Variants in PRDM15 observed in about 807,000 individuals in gnomAD.
PRDM15 encodes PR/SET domain 15.
Under a neutral mutation model 128.6 loss-of-function variants are expected in PRDM15, and 64 were observed. The ratio of observed to expected loss-of-function variants is 0.50; its 90% CI spans 0.41 to 0.61. The LOEUF (loss-of-function observed/expected upper bound fraction) is 0.61. Ranked by LOEUF, PRDM15 falls within the 20% of genes least tolerant of loss-of-function variation. The pLI is 0.00. For missense variants in PRDM15, 1,242 were observed against 1,569.1 expected (o/e 0.79, Z 3.52); for synonymous variants, 615 against 621.8 (o/e 0.99, Z 0.16).
chr21:41,871,715 T>G, intron 1 of PRDM15: 2 of 1,376,372 alleles, frequency 1.5e-6, no homozygotes, highest in Non-Finnish European at 2.0e-6. Context: ...ACAGTGGTCC[T>G]CTGTTGTTAC....
At chr21:41,869,848 T>G (rs1390814028) in intron 1 of PRDM15, among the ~76,000 whole-genome samples, 1 of 152,264 alleles carries the variant, frequency 6.6e-6, no homozygotes, top group East Asian at 1.9e-4. Flanking sequence ...CCTTTTTGTC[T>G]ACAACGCCCC....
chr21:41,861,928 C>A, intron 1 of PRDM15: 2 of 1,613,604 alleles, frequency 1.2e-6, no homozygotes, highest in Non-Finnish European at 1.7e-6. Flanking sequence ...AACACACATT[C>A]ACGTTCAAAG....
At position 41,800,985 on chromosome 21, in the gene PRDM15, A is replaced by G. The variant is rs1247199391; in HGVS notation, c.*255T>C. 2.3e-6 allele frequency: 1 copy of G among 428,006 alleles called. No individual in the cohort carries two copies. Among genetic ancestry groups the G allele is most frequent in the African/African-American group, 2.0e-5 (1 of 49,488 alleles). 26.5% of individuals were successfully genotyped at this position (428,006 alleles called of 1,614,324 possible). ...GGGGAGGCAGATGCGGCCCCGGCCC[A>G]GGACTTACTGCCTTGGTAAGGCATG... On this transcript the variant is annotated 3_prime_UTR_variant, in exon 24 of 24. Coordinates refer to ENST00000398548, the MANE Select transcript of PRDM15 (RefSeq NM_001040424.3).
At position 41,836,508 on chromosome 21, in the gene PRDM15, G is replaced by T; in HGVS notation, c.1143C>A (p.Phe381Leu). ...GCCTGCTCAGGTTGCTGCTGTTCTG[G>T]AAGATCTTGCTGCAGATATTGCACT... ...VYQCNICSKIFQNSSNLSRHV... is the reference protein window; with the variant it reads ...VYQCNICSKILQNSSNLSRHV... The change falls in exon 9 of 24, where the codon TTC becomes TTA. Residue 381 changes from phenylalanine to leucine, a missense_variant. Physicochemically the swap from Phe to Leu is conservative, Grantham distance 22 (BLOSUM62 0). This residue lies in a region of PRDM15 where 612 missense variants were observed against 717.0 expected (regional missense o/e 0.85). Coordinates refer to ENST00000398548, the MANE Select transcript of PRDM15 (RefSeq NM_001040424.3). The T allele has an allele frequency of 6.2e-7, 1 of 1,612,262 alleles. No homozygotes were observed. The highest frequency in any genetic ancestry group is 2.2e-5 in the East Asian group (1 of 44,776).
At chr21:41,848,609 C>A (rs972676463) in intron 5 of PRDM15, among the ~76,000 whole-genome samples, 1 of 152,168 alleles carries the variant, frequency 6.6e-6, no homozygotes. Flanking sequence ...GAAAAACACT[C>A]GCATGTGAGT....
intron 21 of PRDM15, among the ~76,000 whole-genome samples, chr21:41,804,929 G>A (rs575645187): frequency 3.3e-5 from 5 of 152,338 alleles, no homozygotes; most frequent in East Asian, 1.9e-4. Context: ...TTTCAGTGGC[G>A]CTTCTGTTAT....
chr21:41,816,834 C>A (rs1265478593), intron 18 of PRDM15, among the ~76,000 whole-genome samples: 2 of 151,736 alleles, frequency 1.3e-5, no homozygotes, highest in Non-Finnish European at 2.9e-5. Context: ...CACCTGCAGG[C>A]CTATTACCAA....
rs765308552 is a variant in PRDM15, at chr21:41,854,838, T to C, written c.286-20A>G. The stretch of plus-strand genomic sequence containing the variant: ...GAACACCTGAAGGTGAGTCGGCCCA[T>C]GGAGAAGCCGGGGAAATGGCTGATT... On this transcript the variant is annotated intron_variant, in intron 4 of 23. Transcript: ENST00000398548. This position sits in a 1 kb window ranked among gnomAD's most constrained non-coding sequence, Gnocchi z 4.6. 3 of 1,586,798 alleles carry C rather than the reference T, an allele frequency of 1.9e-6. No individual in the cohort carries two copies. Among genetic ancestry groups the C allele is most frequent in the East Asian group, 2.3e-5 (1 of 44,378 alleles).
intron 21 of PRDM15, among the ~76,000 whole-genome samples, chr21:41,807,010 A>G (rs1391093548): frequency 2.0e-5 from 3 of 150,846 alleles, no homozygotes; most frequent in Non-Finnish European, 4.4e-5. Context: ...TACCACCACC[A>G]TCACCAACAC....
chr21:41,871,679 C>A, intron 1 of PRDM15: 1 of 1,541,162 alleles, frequency 6.5e-7, no homozygotes, highest in Non-Finnish European at 8.8e-7. Flanking sequence ...TCCCTCTCCA[C>A]GTGTCTTGAA....
At position 41,832,952 on chromosome 21, in the gene PRDM15, C is replaced by CA. The variant is rs2062746813; in HGVS notation, c.1366+2484dup. On this transcript the variant is annotated intron_variant, in intron 11 of 23. Transcript: ENST00000398548. The surrounding 1 kb of genome is among the most constrained non-coding windows in gnomAD (Gnocchi z 4.2). The stretch of plus-strand genomic sequence containing the variant: ...CACTCACTGCCAGTTCAGGAACCCA[C>CA]AGGGGCACTGGGTCCCAACAATGCT... Among the ~76,000 whole-genome samples, 1 of 152,210 alleles carries CA rather than the reference C, an allele frequency of 6.6e-6. No individual in the cohort carries two copies. Among genetic ancestry groups the CA allele is most frequent in the South Asian group, 2.1e-4 (1 of 4,830 alleles).
intron 21 of PRDM15, among the ~76,000 whole-genome samples, chr21:41,809,478 G>A (rs892773664): frequency 6.6e-5 from 10 of 152,016 alleles, no homozygotes; most frequent in Non-Finnish European, 8.8e-5. Context: ...TGATCCACTC[G>A]CCTCTGCCTC....
At chr21:41,836,728 C>T in intron 8 of PRDM15, 79 bp from the exon 9 acceptor site, 1 of 1,235,226 alleles carries the variant, frequency 8.1e-7, no homozygotes, top group Non-Finnish European at 1.1e-6. Flanking sequence ...AAAACGGCCT[C>T]CTTCCAAAAC....
rs542245928 is a variant in PRDM15 at position 41,834,781 on chromosome 21, T to C, written c.1366+656A>G. 7.2e-5 allele frequency among the ~76,000 whole-genome samples: 11 copies of C among 152,302 alleles called. 1 individual carries two copies. In the South Asian group the frequency reaches 2.3e-3, roughly 32 times the overall value. On this transcript the variant is annotated intron_variant, in intron 11 of 23. Coordinates refer to ENST00000398548, the MANE Select transcript of PRDM15 (RefSeq NM_001040424.3). ...CAGGACGGCCTTGGCTTTCCTTTGG[T>C]CTGTTTACTTGCCAGCAGCAAATTC...
intron 11 of PRDM15, among the ~76,000 whole-genome samples, chr21:41,829,293 C>T (rs2062599555): frequency 6.6e-6 from 1 of 151,182 alleles, no homozygotes; most frequent in Non-Finnish European, 1.5e-5. Context: ...CACAAATACA[C>T]AATCACATAC....
intron 22 of PRDM15, among the ~76,000 whole-genome samples, chr21:41,804,099 G>C (rs1391363109): frequency 6.6e-6 from 1 of 151,914 alleles, no homozygotes; most frequent in African/African-American, 2.4e-5. Context: ...GAGTAGCTGG[G>C]ATTACAGGCG....
Position 41,860,358 on chromosome 21 carries a change from A to G in PRDM15, c.6T>C (p.Ala2=). The G allele has an allele frequency of 6.2e-7, 1 of 1,613,972 alleles. No individual in the cohort carries two copies. The highest frequency in any genetic ancestry group is 1.1e-5 in the South Asian group (1 of 91,080). Residue 2 remains alanine, a synonymous_variant, in exon 2 of 24, where the codon GCT becomes GCC. Transcript: ENST00000398548. M[A]EDGSEEIMFI... is the part of the protein sequence containing the mutation. ...ACATGATCTCTTCGCTCCCATCTTC[A>G]GCCATCTCTGACACCTGTCAGGATA...
At position 41,831,773 on chromosome 21, in the gene PRDM15, T is replaced by C. The variant is rs571534232; in HGVS notation, c.1367-3440A>G. Among the ~76,000 whole-genome samples the C allele has an allele frequency of 2.9e-3, 444 of 151,850 alleles. 2 individuals carry two copies. The highest frequency in any genetic ancestry group is 0.01 in the African/African-American group (417 of 41,370). On this transcript the variant is annotated intron_variant, in intron 11 of 23. Coordinates refer to ENST00000398548, the MANE Select transcript of PRDM15 (RefSeq NM_001040424.3). ...CCAACCACGGCAGGACAGTGGGAGGTGGCCTCTGCCAGGGCTGAACACAGT... is the reference window on the plus strand; with the variant it reads ...CCAACCACGGCAGGACAGTGGGAGGCGGCCTCTGCCAGGGCTGAACACAGT...
At chr21:41,816,445 A>G (rs1236699453) in intron 18 of PRDM15, among the ~76,000 whole-genome samples, 1 of 152,134 alleles carries the variant, frequency 6.6e-6, no homozygotes, top group Non-Finnish European at 1.5e-5. Flanking sequence ...CGTGAGGCTG[A>G]CACGCACCAG....
Sources: allele counts gnomAD v4.1 joint callset (sites outside exome capture counted in the v4.1 genomes callset), GRCh38; gene constraint gnomAD v4.1.1; regional missense constraint gnomAD v4.1.1; non-coding constraint Gnocchi (gnomAD v3.1); transcripts MANE v1.5; gene names NCBI Gene and HGNC (gene_info 2026-07-23, HGNC 2026-07-21).